Variants in PLCH1 observed in about 807,000 individuals in gnomAD.
The protein encoded by PLCH1 is 1-phosphatidylinositol 4,5-bisphosphate phosphodiesterase eta-1.
A neutral mutation model predicts 126.7 loss-of-function variants in PLCH1; 60 were observed. The ratio of observed to expected loss-of-function variants is 0.47; its 90% CI spans 0.38 to 0.59. PLCH1 has a LOEUF of 0.59. PLCH1 is among the 20% of genes least tolerant of loss of function. The pLI is 0.00. For missense variants in PLCH1, 1,723 were observed against 2,040.0 expected, an observed-to-expected ratio of 0.84 and a Z score of 2.99; for synonymous variants, 719 against 734.9, an observed-to-expected ratio of 0.98 and a Z score of 0.35.
chr3:155,609,577 AG>A (rs1734786721), intron 2 of PLCH1, among the ~76,000 whole-genome samples: 1 of 152,230 alleles, frequency 6.6e-6, no homozygotes, highest in Non-Finnish European at 1.5e-5. Flanking sequence ...AGAATTCATA[AG>A]GTAGGTCTAT....
At chr3:155,539,857 A>G (rs185822529) in intron 10 of PLCH1, among the ~76,000 whole-genome samples, 1 of 152,248 alleles carries the variant, frequency 6.6e-6, no homozygotes, top group African/African-American at 2.4e-5. Flanking sequence ...TCAAAATACC[A>G]TCATCATTCC....
chr3:155,526,543 G>A (rs1373935408), intron 10 of PLCH1, among the ~76,000 whole-genome samples: 1 of 145,928 alleles, frequency 6.9e-6, no homozygotes, highest in Non-Finnish European at 1.5e-5. Context: ...GGTGTCGTGA[G>A]CTGTGCTATG....
At chr3:155,680,193 A>G (rs1010931359) in intron 2 of PLCH1, among the ~76,000 whole-genome samples, 1 of 152,062 alleles carries the variant, frequency 6.6e-6, no homozygotes, top group East Asian at 1.9e-4. Context: ...GACCAGCCTG[A>G]CCAACATGGT....
At chr3:155,641,540 CA>C (rs573323353) in intron 2 of PLCH1, among the ~76,000 whole-genome samples, 1 of 151,362 alleles carries the variant, frequency 6.6e-6, no homozygotes, top group South Asian at 2.1e-4. Context: ...CTTCAATCTG[CA>C]AAAAAAGGAT....
In PLCH1 at chr3:155,485,373, C is replaced by T. The variant is rs866852341; in HGVS notation, c.2957G>A (p.Gly986Glu). ...PVSETAKDIE[G>E]KENSLAEDKD... ...CATCTTACCTAGAGAGTTTTCTTTTCCTTCAATGTCTTTTGCTGTTTCAGA... is the reference window on the plus strand; with the variant it reads ...CATCTTACCTAGAGAGTTTTCTTTTTCTTCAATGTCTTTTGCTGTTTCAGA... The change falls in exon 22 of 23, where the codon GGA (glycine) becomes GAA (glutamate). Residue 986 changes from glycine to glutamate, a missense_variant. Gly to Glu is a moderately conservative substitution (Grantham distance 98). Transcript: ENST00000460012. The T allele has an allele frequency of 6.2e-7, 1 of 1,600,810 alleles. No individual in the cohort carries two copies. Among genetic ancestry groups the T allele is most frequent in the Non-Finnish European group, 8.6e-7 (1 of 1,168,992 alleles).
chr3:155,681,113 C>G (rs181157556), intron 2 of PLCH1, among the ~76,000 whole-genome samples: 1 of 152,052 alleles, frequency 6.6e-6, no homozygotes, highest in Non-Finnish European at 1.5e-5. Flanking sequence ...AGGTGTTTTA[C>G]TTTCTTCTTT....
chr3:155,465,589 G>C (rs1712898660), intron 21 of PLCH1, among the ~76,000 whole-genome samples: 1 of 151,900 alleles, frequency 6.6e-6, no homozygotes, highest in South Asian at 2.1e-4. Context: ...CCTTCTGCTT[G>C]AGAAAGGCGA....
chr3:155,545,107 T>A (rs1265009220), intron 10 of PLCH1, among the ~76,000 whole-genome samples: 1 of 151,984 alleles, frequency 6.6e-6, no homozygotes, highest in Non-Finnish European at 1.5e-5. Context: ...GAGCTGGTTT[T>A]TTGAAAAGAT....
chr3:155,519,312 G>C (rs1720756674), intron 11 of PLCH1, among the ~76,000 whole-genome samples: 1 of 152,164 alleles, frequency 6.6e-6, no homozygotes. Flanking sequence ...CTGGGGGAGA[G>C]CAGTCATTTC....
In PLCH1 at chr3:155,485,591, T is replaced by C. The variant is rs1202645753; in HGVS notation, c.2739A>G (p.Thr913=). The C allele has an allele frequency of 6.2e-7, 1 of 1,614,028 alleles. No homozygotes were observed. Among genetic ancestry groups the C allele is most frequent in the South Asian group, 1.1e-5 (1 of 91,088 alleles). ...TCCTGCCTTTGGCTGGGGCGCTAGC[T>C]GTGCGTCGCAGAATTCTATCTCCAA... ...RSIGDRILRR[T]ASAPAKGRKK... The change falls in exon 22 of 23, where the codon ACA becomes ACG. Residue 913 remains threonine (T), a synonymous_variant. Transcript: ENST00000460012.
At chr3:155,585,866 G>A (rs941912201) in intron 5 of PLCH1, among the ~76,000 whole-genome samples, 199 bp downstream of exon 5, 1 of 152,146 alleles carries the variant, frequency 6.6e-6, no homozygotes, top group Non-Finnish European at 1.5e-5. Flanking sequence ...AGCGTTTTAG[G>A]AAGTGAAATT....
intron 2 of PLCH1, among the ~76,000 whole-genome samples, chr3:155,597,129 G>A (rs1733078056): frequency 9.5e-6 from 1 of 105,700 alleles, no homozygotes; most frequent in Non-Finnish European, 1.9e-5. Flanking sequence ...TGGTAATGGT[G>A]CCCCAACTTT....
chr3:155,744,557 G>T (rs1273006146), intron 1 of PLCH1, among the ~76,000 whole-genome samples: 1 of 152,274 alleles, frequency 6.6e-6, no homozygotes, highest in South Asian at 2.1e-4. Flanking sequence ...CACCACCACC[G>T]CAAGGGACCC....
intron 6 of PLCH1, among the ~76,000 whole-genome samples, chr3:155,570,900 C>A (rs1161240438): frequency 1.3e-5 from 2 of 152,132 alleles, no homozygotes; most frequent in African/African-American, 4.8e-5. Flanking sequence ...TCAATTATTA[C>A]AATTTAACTT....
At chr3:155,599,248 A>G (rs975327089) in intron 2 of PLCH1, among the ~76,000 whole-genome samples, 1 of 152,162 alleles carries the variant, frequency 6.6e-6, no homozygotes, top group Non-Finnish European at 1.5e-5. Context: ...AATAGTTAAA[A>G]ATAAATGCCC....
chr3:155,616,634 T>G (rs1422948405), intron 2 of PLCH1, among the ~76,000 whole-genome samples: 1 of 152,124 alleles, frequency 6.6e-6, no homozygotes, highest in African/African-American at 2.4e-5. Flanking sequence ...AAGAAAAAAG[T>G]TTGGTTTACC....
intron 2 of PLCH1, among the ~76,000 whole-genome samples, chr3:155,601,484 C>T (rs896900378): frequency 2.0e-4 from 30 of 151,582 alleles, no homozygotes; most frequent in Non-Finnish European, 4.0e-4. Flanking sequence ...TGGCAATATA[C>T]ATATATAATA....
chr3:155,452,900 A>G lies in PLCH1; in HGVS notation c.2938+32456T>C, dbSNP rs574165866. Among the ~76,000 whole-genome samples, 5 of 152,310 alleles carry G rather than the reference A, an allele frequency of 3.3e-5. No individual in the cohort carries two copies. In the South Asian group the frequency reaches 1.0e-3, roughly 32 times the overall value. On this transcript the variant is annotated intron_variant, in intron 21 of 21. Transcript: ENST00000494598. ...TAAATGCAGAGTATCCCATTCTGTG[A>G]CTAACTGAAATATATTGCAAGTTGA...
chr3:155,484,508 G>A (rs897493145), intron 22 of PLCH1, among the ~76,000 whole-genome samples: 1 of 152,158 alleles, frequency 6.6e-6, no homozygotes, highest in African/African-American at 2.4e-5. Context: ...AAAGTTAAAA[G>A]AATAATTTTG....
Sources: gnomAD v4.1 joint callset for allele counts (sites outside exome capture counted in the v4.1 genomes callset) on GRCh38, gnomAD v4.1.1 for gene constraint, MANE v1.5 for transcripts, NCBI Gene and HGNC (gene_info 2026-07-23, HGNC 2026-07-21) for gene names.